KAZN: variants seen among roughly 807,000 people sequenced by gnomAD.
KAZN encodes kazrin, periplakin interacting protein.
A neutral mutation model predicts 87.4 loss-of-function variants in KAZN; 40 were observed. The ratio of observed to expected loss-of-function variants is 0.46; its 90% CI spans 0.36 to 0.60. The LOEUF is 0.60. KAZN is among the 20% of genes least tolerant of loss of function. The pLI is 0.00. For missense variants in KAZN, 898 were observed against 1,073.9 expected, an observed-to-expected ratio of 0.84 and a Z score of 2.29; for synonymous variants, 466 against 458.3, an observed-to-expected ratio of 1.02 and a Z score of -0.22.
intron 2 of KAZN, among the ~76,000 whole-genome samples, chr1:14,254,466 T>C (rs565913176): frequency 3.3e-5 from 5 of 152,238 alleles, no homozygotes; most frequent in Non-Finnish European, 7.4e-5. Flanking sequence ...TAATGGCTGA[T>C]TGGATGAAGG....
chr1:14,527,998 CCTATCTATCTATCTATCTAT>C (rs200376042), intron 2 of KAZN, among the ~76,000 whole-genome samples: 1,517 of 145,282 alleles, frequency 0.01, 29 homozygotes, highest in African/African-American at 0.037. Flanking sequence ...GGTCTAGAAT[CCTATCTATCTATCTATCTAT>C]CTATCTATCT....
intron 2 of KAZN, among the ~76,000 whole-genome samples, chr1:14,413,821 A>C (rs139629934): frequency 8.1e-4 from 124 of 152,314 alleles, no homozygotes; most frequent in Non-Finnish European, 1.4e-3. Flanking sequence ...AGCATCTGGA[A>C]TATACAAAAG....
chr1:14,368,036 T>G (rs1292283226), intron 2 of KAZN, among the ~76,000 whole-genome samples: 1 of 152,208 alleles, frequency 6.6e-6, no homozygotes, highest in Non-Finnish European at 1.5e-5. Context: ...AAGCTAGGGT[T>G]TCCTTACTTG....
chr1:14,344,917 CTTT>C (rs35120179), intron 2 of KAZN, among the ~76,000 whole-genome samples: 3 of 142,492 alleles, frequency 2.1e-5, no homozygotes, highest in African/African-American at 2.6e-5. Context: ...ATCCCCTCTT[CTTT>C]TTTTTTTTTT....
chr1:15,045,450 G>T (rs1557749876), intron 4 of KAZN, among the ~76,000 whole-genome samples: 1 of 152,174 alleles, frequency 6.6e-6, no homozygotes, highest in African/African-American at 2.4e-5. Context: ...GGGCTTAGGG[G>T]TGCCGATCCC....
rs578184744 is a variant in KAZN at position 14,300,474 on chromosome 1, G to A, written c.249+119882G>A. ...TGGTCTCAAACTCTTGGGCTCAAGG[G>A]ATCCTCCTGCCTCAGCCTCCCAAAG... On this transcript the variant is annotated intron_variant, in intron 2 of 16. Transcript: ENST00000636203. 8.5e-5 allele frequency among the ~76,000 whole-genome samples: 13 copies of A among 152,174 alleles called. No homozygotes were observed. In the South Asian group the frequency reaches 2.3e-3, roughly 27 times the overall value.
chr1:14,150,951 T>G (rs1645459008), intron 1 of KAZN, among the ~76,000 whole-genome samples: 2 of 150,742 alleles, frequency 1.3e-5, no homozygotes, highest in South Asian at 4.2e-4. Context: ...AGATAAACCC[T>G]GCTAACATTG....
intron 1 of KAZN, among the ~76,000 whole-genome samples, chr1:14,017,785 G>T (rs1349163762): frequency 6.6e-6 from 1 of 152,126 alleles, no homozygotes; most frequent in Non-Finnish European, 1.5e-5. Flanking sequence ...TTCTGTTTCC[G>T]CTTGTGGAGC....
At chr1:14,666,718 C>T (rs950192322) in intron 1 of KAZN, among the ~76,000 whole-genome samples, 7 of 152,242 alleles carry the variant, frequency 4.6e-5, no homozygotes, top group Admixed American at 1.3e-4. Context: ...GGGCCTTCTC[C>T]GTGCCTCTGA....
At chr1:14,060,399 G>C (rs897159244) in intron 1 of KAZN, among the ~76,000 whole-genome samples, 1 of 149,274 alleles carries the variant, frequency 6.7e-6, no homozygotes, top group Non-Finnish European at 1.5e-5. Context: ...AGGGTTTCAT[G>C]TTCCCTACTT....
intron 1 of KAZN, among the ~76,000 whole-genome samples, chr1:14,727,203 A>G (rs766530931): frequency 3.5e-4 from 53 of 152,200 alleles, no homozygotes; most frequent in Non-Finnish European, 2.1e-4. Flanking sequence ...TCTGTTGGAT[A>G]ACCCAGCACT....
At chr1:14,191,160 A>G (rs1471264257) in intron 2 of KAZN, among the ~76,000 whole-genome samples, 1 of 152,188 alleles carries the variant, frequency 6.6e-6, no homozygotes, top group Admixed American at 6.5e-5. Flanking sequence ...CATTTAAGCA[A>G]AGGGATGTTA....
chr1:14,513,440 C>G (rs1671023795), intron 2 of KAZN, among the ~76,000 whole-genome samples: 1 of 152,168 alleles, frequency 6.6e-6, no homozygotes, highest in Admixed American at 6.5e-5. Context: ...TCCTCAATCA[C>G]AAAACCCAAC....
At chr1:14,305,304 C>T (rs376102984) in intron 2 of KAZN, among the ~76,000 whole-genome samples, 29 of 152,118 alleles carry the variant, frequency 1.9e-4, no homozygotes, top group African/African-American at 6.8e-4. Context: ...CAGATTATAT[C>T]TTGGAATTTA....
chr1:14,667,258 A>G (rs902612782), intron 1 of KAZN, among the ~76,000 whole-genome samples: 77 of 152,328 alleles, frequency 5.1e-4, no homozygotes, highest in African/African-American at 1.7e-3. Context: ...TGTCCATGGA[A>G]ATAGAACAGA....
intron 2 of KAZN, among the ~76,000 whole-genome samples, chr1:14,199,921 T>C (rs910054106): frequency 6.6e-6 from 1 of 151,978 alleles, no homozygotes; most frequent in Non-Finnish European, 1.5e-5. Flanking sequence ...CCTGACACCT[T>C]CCTTCTGCTT....
Position 14,960,496 on chromosome 1 carries a change from T to C in KAZN, c.227-188T>C, listed in dbSNP as rs143371673. On this transcript the variant is annotated intron_variant, in intron 1 of 14. Transcript: ENST00000376030. Reference sequence around the variant, plus strand: ...GTCTCACTAGGTGAGCTCTGCAGACTGTGGGTGGGGCCTAGAATTGGTGCT... The same window carrying C: ...GTCTCACTAGGTGAGCTCTGCAGACCGTGGGTGGGGCCTAGAATTGGTGCT... 2.6e-3 allele frequency among the ~76,000 whole-genome samples: 394 copies of C among 152,226 alleles called. 1 individual carries two copies. The highest frequency in any genetic ancestry group is 4.5e-3 in the Non-Finnish European group (305 of 68,006).
intron 4 of KAZN, among the ~76,000 whole-genome samples, chr1:15,054,228 AAGCC>A (rs1674700309): frequency 6.6e-6 from 1 of 152,014 alleles, no homozygotes; most frequent in South Asian, 2.1e-4. Context: ...ATGAGAGGCA[AAGCC>A]AGCACTCACA....
intron 1 of KAZN, among the ~76,000 whole-genome samples, chr1:14,649,661 A>G (rs1240037598): frequency 6.6e-6 from 1 of 152,198 alleles, no homozygotes; most frequent in African/African-American, 2.4e-5. Flanking sequence ...AAGGCGACCA[A>G]CAAAGCCTGT....
Sources: gnomAD v4.1 joint callset for allele counts (sites outside exome capture counted in the v4.1 genomes callset) on GRCh38, gnomAD v4.1.1 for gene constraint, MANE v1.5 for transcripts, NCBI Gene and HGNC (gene_info 2026-07-23, HGNC 2026-07-21) for gene names.